The following CNTNAP5 variants were observed in gnomAD, a reference collection of about 807,000 sequenced individuals.
The protein encoded by CNTNAP5 is contactin associated protein family member 5.
Under a neutral mutation model 150.2 loss-of-function variants are expected in CNTNAP5, and 72 were observed. The ratio of observed to expected loss-of-function variants is 0.48; its 90% CI spans 0.40 to 0.58. CNTNAP5 has a LOEUF of 0.58. Among genes scored for constraint, CNTNAP5 ranks in the 20% least tolerant of loss-of-function variants. CNTNAP5 has a pLI of 0.00. For synonymous variants in CNTNAP5, 672 were observed against 619.8 expected (o/e 1.08, Z -1.25); for missense variants, 1,636 against 1,626.2 (o/e 1.01, Z -0.10).
intron 6 of CNTNAP5, among the ~76,000 whole-genome samples, chr2:124,456,565 C>A (rs1693123392): frequency 6.6e-6 from 1 of 152,002 alleles, no homozygotes. Flanking sequence ...TTAGAAAAAG[C>A]AATTGTAAAA....
At chr2:124,071,130 T>G (rs979396382) in intron 1 of CNTNAP5, among the ~76,000 whole-genome samples, 1 of 151,792 alleles carries the variant, frequency 6.6e-6, no homozygotes, top group African/African-American at 2.4e-5. Context: ...CAATTGAAAA[T>G]TTTTTTGAAG....
chr2:124,768,591 C>T (rs928336522), intron 16 of CNTNAP5, among the ~76,000 whole-genome samples: 6 of 152,076 alleles, frequency 3.9e-5, no homozygotes, highest in African/African-American at 1.4e-4. Flanking sequence ...ATGACGATCA[C>T]TGTGTTGTAC....
At chr2:124,415,094 G>C (rs1691883764) in intron 3 of CNTNAP5, among the ~76,000 whole-genome samples, 1 of 152,168 alleles carries the variant, frequency 6.6e-6, no homozygotes, top group Admixed American at 6.5e-5. Flanking sequence ...AGGTGAGCAG[G>C]GAAGGAGGAC....
At chr2:124,842,233 A>C (rs947791093) in intron 19 of CNTNAP5, among the ~76,000 whole-genome samples, 4 of 152,130 alleles carry the variant, frequency 2.6e-5, no homozygotes, top group Admixed American at 6.6e-5. Flanking sequence ...GAAGAAAGAA[A>C]AACAGATCTT....
chr2:124,655,999 A>AAAGAAAGAAAGAAAGAAGGAAGG (rs1317556643), intron 13 of CNTNAP5, among the ~76,000 whole-genome samples: 2 of 90,632 alleles, frequency 2.2e-5, no homozygotes, highest in African/African-American at 8.3e-5. Flanking sequence ...AAGAAAGAAA[A>AAAGAAAGAAAGAAAGAAGGAAGG]AAGGAAGGAA....
intron 21 of CNTNAP5, among the ~76,000 whole-genome samples, chr2:124,891,424 G>A (rs1244095895): frequency 6.6e-6 from 1 of 152,124 alleles, no homozygotes; most frequent in Non-Finnish European, 1.5e-5. Context: ...AGATTCAAGA[G>A]GAAGGGAAAT....
In CNTNAP5 at chr2:124,451,029, TAAA is replaced by T. The variant is rs1156744323; in HGVS notation, c.918+4113_918+4115del. 1.9e-3 allele frequency among the ~76,000 whole-genome samples: 38 copies of T among 20,046 alleles called. No homozygotes were observed. The East Asian group carries it at 0.02, about 11-fold the overall frequency. 13.2% of individuals were successfully genotyped at this position (20,046 alleles called of 152,430 possible). On this transcript the variant is annotated intron_variant, in intron 6 of 23. Coordinates refer to ENST00000682447, the MANE Select transcript of CNTNAP5 (RefSeq NM_001367498.1). ...GGTAGCAGAATAGGACCATGTCTCT[TAAA>T]AAAAAAAAAAAAAAAAAAAATATAT...
chr2:124,077,920 T>A (rs539253802), intron 1 of CNTNAP5, among the ~76,000 whole-genome samples: 36 of 152,332 alleles, frequency 2.4e-4, no homozygotes, highest in African/African-American at 8.7e-4. Context: ...AATGAGGGCA[T>A]ATGGACATGG....
chr2:124,316,931 A>T (rs1428320350), intron 3 of CNTNAP5, among the ~76,000 whole-genome samples: 1 of 152,108 alleles, frequency 6.6e-6, no homozygotes, highest in Non-Finnish European at 1.5e-5. Flanking sequence ...GTCACACACA[A>T]AAAAAACTGT....
intron 13 of CNTNAP5, among the ~76,000 whole-genome samples, chr2:124,675,040 AC>A (rs1482850830): frequency 1.3e-5 from 2 of 152,044 alleles, no homozygotes; most frequent in Non-Finnish European, 2.9e-5. Flanking sequence ...TATTTTTAAC[AC>A]AAGAGTGTTG....
intron 3 of CNTNAP5, among the ~76,000 whole-genome samples, chr2:124,400,467 T>G (rs974399368): frequency 6.6e-6 from 1 of 152,128 alleles, no homozygotes; most frequent in Admixed American, 6.5e-5. Flanking sequence ...TTTTTCTCTT[T>G]GCCCCAAGGC....
chr2:124,805,057 T>A (rs2104649924), intron 19 of CNTNAP5, among the ~76,000 whole-genome samples: 1 of 152,266 alleles, frequency 6.6e-6, no homozygotes, highest in Middle Eastern at 3.4e-3. Flanking sequence ...CCTCTTTGTA[T>A]GAAATACTCC....
At chr2:124,443,165 A>G (rs1444331876) in intron 5 of CNTNAP5, among the ~76,000 whole-genome samples, 1 of 151,508 alleles carries the variant, frequency 6.6e-6, no homozygotes, top group Non-Finnish European at 1.5e-5. Flanking sequence ...AGTAAATAGA[A>G]ACATCTAAAT....
At chr2:124,423,335 C>A (rs1471267000) in intron 4 of CNTNAP5, among the ~76,000 whole-genome samples, 1 of 151,698 alleles carries the variant, frequency 6.6e-6, no homozygotes, top group African/African-American at 2.4e-5. Flanking sequence ...TTTTTTTTTC[C>A]CACTCTTACT....
intron 13 of CNTNAP5, among the ~76,000 whole-genome samples, chr2:124,696,716 G>A (rs1272808047): frequency 6.6e-6 from 1 of 152,174 alleles, no homozygotes; most frequent in East Asian, 1.9e-4. Flanking sequence ...TCTAAGGTGA[G>A]CGTGTCAAAT....
At chr2:124,772,117 CCACCATCACTGCTGCCAT>C (rs1215901733) in intron 16 of CNTNAP5, among the ~76,000 whole-genome samples, 5 of 152,116 alleles carry the variant, frequency 3.3e-5, no homozygotes, top group Non-Finnish European at 7.4e-5. Context: ...ACTACCACCA[CCACCATCACTGCTGCCAT>C]CACCATTGTC....
chr2:124,513,732 G>T (rs1370600251), intron 8 of CNTNAP5, among the ~76,000 whole-genome samples: 4 of 152,120 alleles, frequency 2.6e-5, no homozygotes, highest in African/African-American at 9.7e-5. Context: ...GTTATACTCA[G>T]GGGGGAGTAC....
intron 3 of CNTNAP5, among the ~76,000 whole-genome samples, chr2:124,404,613 G>C (rs117696241): frequency 6.6e-6 from 1 of 152,154 alleles, no homozygotes; most frequent in Non-Finnish European, 1.5e-5. Context: ...AAGGGCAGGG[G>C]GTGAATGCTG....
At chr2:124,161,826 A>T (rs999012332) in intron 1 of CNTNAP5, among the ~76,000 whole-genome samples, 7 of 152,194 alleles carry the variant, frequency 4.6e-5, no homozygotes, top group Non-Finnish European at 1.0e-4. Flanking sequence ...ACAGATCTTG[A>T]TGATTAAAAT....
Sources: gnomAD v4.1 joint callset for allele counts (sites outside exome capture counted in the v4.1 genomes callset) on GRCh38, gnomAD v4.1.1 for gene constraint, MANE v1.5 for transcripts, NCBI Gene and HGNC (gene_info 2026-07-23, HGNC 2026-07-21) for gene names.